RYR2: variants seen among roughly 807,000 people sequenced by gnomAD.
RYR2 encodes ryanodine receptor 2.
RYR2 carries 227 observed loss-of-function variants against 601.1 expected under a neutral mutation model. The observed-to-expected ratio is 0.38, with a 90% CI of 0.34 to 0.42. The LOEUF is 0.42. Ranked by LOEUF, RYR2 falls within the 10% of genes least tolerant of loss-of-function variation. RYR2 has a pLI of 1.00. For missense variants in RYR2, 4,646 were observed against 6,156.5 expected (o/e 0.75, Z 8.21); for synonymous variants, 2,223 against 2,175.1 (o/e 1.02, Z -0.61).
intron 10 of RYR2, among the ~76,000 whole-genome samples, chr1:237,402,928 A>C (rs1012201450): frequency 2.8e-5 from 4 of 144,294 alleles, no homozygotes; most frequent in African/African-American, 5.0e-5. Flanking sequence ...CCTTCCCCCC[A>C]AAAAAGATTG....
chr1:237,072,250 C>T (rs927098398), intron 1 of RYR2, among the ~76,000 whole-genome samples: 55 of 152,376 alleles, frequency 3.6e-4, no homozygotes, highest in African/African-American at 1.3e-3. Context: ...CCCACAGTGG[C>T]TGCTCCAGAG....
intron 10 of RYR2, among the ~76,000 whole-genome samples, chr1:237,407,618 T>A (rs1402876299): frequency 6.6e-6 from 1 of 150,904 alleles, no homozygotes; most frequent in African/African-American, 2.4e-5. Flanking sequence ...TGTTTTTTTT[T>A]TTTTTTTTTT....
At chr1:237,114,150 G>A (rs549505787) in intron 1 of RYR2, among the ~76,000 whole-genome samples, 31 of 152,256 alleles carry the variant, frequency 2.0e-4, no homozygotes, top group Non-Finnish European at 3.7e-4. Context: ...GATTTTTTCT[G>A]GTTAGTCATT....
intron 41 of RYR2, 78 bp from the exon 42 acceptor site, chr1:237,631,349 A>G (rs1322183778): frequency 1.1e-6 from 1 of 876,170 alleles, no homozygotes; most frequent in Non-Finnish European, 1.8e-6. Flanking sequence ...AATTATTTCT[A>G]AAAGATTTAT....
chr1:237,726,478 G>C (rs1292260093), intron 75 of RYR2, among the ~76,000 whole-genome samples, 170 bp downstream of exon 75: 3 of 151,830 alleles, frequency 2.0e-5, no homozygotes, highest in Non-Finnish European at 2.9e-5. Context: ...ATTTATATTT[G>C]TCCCTATCTA....
chr1:237,079,816 G>A (rs1351164216), intron 1 of RYR2, among the ~76,000 whole-genome samples: 1 of 138,666 alleles, frequency 7.2e-6, no homozygotes, highest in South Asian at 2.2e-4. Flanking sequence ...AGCCCGCATT[G>A]CCAAGTCAAT....
chr1:237,381,251 C>CAAAAAAAAAAAAAAAAAAAAA (rs60493059), intron 8 of RYR2, among the ~76,000 whole-genome samples: 1 of 45,776 alleles, frequency 2.2e-5, no homozygotes, highest in Non-Finnish European at 5.3e-5. Flanking sequence ...GACTCCGTCT[C>CAAAAAAAAAAAAAAAAAAAAA]AAAAAAAAAA....
chr1:237,797,714 G>T (rs1659420621), intron 96 of RYR2, among the ~76,000 whole-genome samples: 1 of 152,218 alleles, frequency 6.6e-6, no homozygotes, highest in African/African-American at 2.4e-5. Flanking sequence ...CTGGCACAAA[G>T]TATTAATTTA....
At chr1:237,316,777 G>A (rs1695156102) in intron 2 of RYR2, among the ~76,000 whole-genome samples, 1 of 151,984 alleles carries the variant, frequency 6.6e-6, no homozygotes. Context: ...TTTTAAAGAT[G>A]TTCATTTTAC....
intron 29 of RYR2, among the ~76,000 whole-genome samples, chr1:237,584,649 GTTTTTTT>G (rs61131096): frequency 1.4e-5 from 1 of 72,468 alleles, no homozygotes; most frequent in Non-Finnish European, 2.5e-5. Flanking sequence ...CTCACCACCT[GTTTTTTT>G]TTTTTTTTTT....
intron 17 of RYR2, among the ~76,000 whole-genome samples, chr1:237,478,079 G>T (rs1471388655): frequency 6.6e-6 from 1 of 151,392 alleles, no homozygotes; most frequent in East Asian, 2.0e-4. Context: ...CCTAATTGTG[G>T]GCAATAGGGC....
chr1:237,086,450 G>A (rs1408300859), intron 1 of RYR2, among the ~76,000 whole-genome samples: 4 of 152,030 alleles, frequency 2.6e-5, no homozygotes, highest in African/African-American at 9.7e-5. Flanking sequence ...TGTAGGAGGA[G>A]GGACACAATT....
intron 98 of RYR2, among the ~76,000 whole-genome samples, chr1:237,804,126 T>C (rs1660327994): frequency 6.6e-6 from 1 of 152,044 alleles, no homozygotes; most frequent in African/African-American, 2.4e-5. Context: ...AATGCCATTT[T>C]TCACAAACCG....
chr1:237,235,272 C>A (rs774676762), intron 1 of RYR2, among the ~76,000 whole-genome samples: 3 of 152,158 alleles, frequency 2.0e-5, no homozygotes, highest in Non-Finnish European at 4.4e-5. Context: ...CTAGCCTTTC[C>A]CAAGTTGCTC....
chr1:237,094,874 A>T (rs1265070730), intron 1 of RYR2, among the ~76,000 whole-genome samples: 2 of 152,160 alleles, frequency 1.3e-5, no homozygotes, highest in Non-Finnish European at 2.9e-5. Flanking sequence ...TACAGGTGTG[A>T]GCCACCGCAC....
chr1:237,723,741 A>G (rs1195622889), intron 74 of RYR2, among the ~76,000 whole-genome samples: 3 of 152,140 alleles, frequency 2.0e-5, no homozygotes, highest in Admixed American at 6.5e-5. Context: ...CTCTGAAATC[A>G]GGAACAAATT....
chr1:237,710,221 A>G (rs563054789), intron 70 of RYR2, among the ~76,000 whole-genome samples: 1 of 152,310 alleles, frequency 6.6e-6, no homozygotes, highest in Admixed American at 6.5e-5. Context: ...TAGATAAAAG[A>G]GCATTGATGA....
chr1:237,424,122 C>T lies in RYR2; in HGVS notation c.1005+874C>T, dbSNP rs149978719. Among the ~76,000 whole-genome samples the T allele has an allele frequency of 1.7e-3, 259 of 152,164 alleles. 1 individual carries two copies. Among genetic ancestry groups the T allele is most frequent in the African/African-American group, 5.4e-3 (224 of 41,528 alleles). The stretch of plus-strand genomic sequence containing the variant: ...ATCCAGTCACGTCTTTCCCTCGAGA[C>T]GTGGAGATTACAAATTGAGATGAGA... On this transcript the variant is annotated intron_variant, in intron 12 of 104. Coordinates refer to ENST00000366574, the MANE Select transcript of RYR2 (RefSeq NM_001035.3).
chr1:237,631,913 G>A (rs375562019), intron 42 of RYR2, among the ~76,000 whole-genome samples: 18 of 151,858 alleles, frequency 1.2e-4, no homozygotes, highest in South Asian at 1.0e-3. Context: ...GATTACAGGC[G>A]TGAGCCACCG....
Sources: gnomAD v4.1 joint callset for allele counts (sites outside exome capture counted in the v4.1 genomes callset) on GRCh38, gnomAD v4.1.1 for gene constraint, MANE v1.5 for transcripts, NCBI Gene and HGNC (gene_info 2026-07-23, HGNC 2026-07-21) for gene names.